The following SH3D21 variants were observed in gnomAD, a reference collection of about 807,000 sequenced individuals.
The protein encoded by SH3D21 is SH3 domain-containing protein 21.
In SH3D21, 83 loss-of-function variants were observed where a neutral mutation model predicts 82.1. The observed-to-expected ratio is 1.01, with a 90% CI of 0.85 to 1.21. SH3D21 has a LOEUF of 1.21. SH3D21 is among the 50% of genes most tolerant of loss of function. The probability of loss-of-function intolerance (pLI) is 0.00; values close to 1 mark genes in which losing one functional copy is unlikely to be tolerated. For missense variants in SH3D21, 980 were observed against 962.1 expected (o/e 1.02, Z -0.25); for synonymous variants, 383 against 387.8 (o/e 0.99, Z 0.15).
chr1:36,318,460 G>A (rs1646380816), intron 10 of SH3D21, among the ~76,000 whole-genome samples: 1 of 152,088 alleles, frequency 6.6e-6, no homozygotes, highest in African/African-American at 2.4e-5. Context: ...GAGAGTAAAT[G>A]AGAGAGAATA....
downstream of SH3D21, chr1:36,322,720 G>T: frequency 1.3e-6 from 2 of 1,546,740 alleles, no homozygotes; most frequent in African/African-American, 2.7e-5. Context: ...AAGCTCTCGG[G>T]GTTGGCTGCG....
chr1:36,313,346 TA>T (rs903977278), intron 10 of SH3D21, among the ~76,000 whole-genome samples: 1 of 151,228 alleles, frequency 6.6e-6, no homozygotes, highest in African/African-American at 2.4e-5. Context: ...AATAAATAAA[TA>T]AATAAATAAG....
chr1:36,327,329 C>T (rs945695040), downstream of SH3D21, among the ~76,000 whole-genome samples: 1 of 152,130 alleles, frequency 6.6e-6, no homozygotes, highest in African/African-American at 2.4e-5. Flanking sequence ...GCTGGGAGTG[C>T]ATGAGCATGT....
At position 36,321,257 on chromosome 1, in the gene SH3D21, G is replaced by C; in HGVS notation, c.*130G>C. The C allele has an allele frequency of 6.8e-7, 1 of 1,467,768 alleles. No individual in the cohort carries two copies. The highest frequency in any genetic ancestry group is 1.4e-5 in the African/African-American group (1 of 70,936). 90.9% of individuals were successfully genotyped at this position (1,467,768 alleles called of 1,614,324 possible). ...CCACGCCGGTCTGGTCGCTGGGGGC[G>C]GGGCCTGCGCGGGGGCAGGGCCTGG... On this transcript the variant is annotated 3_prime_UTR_variant, in exon 16 of 16. Coordinates refer to ENST00000453908, the MANE Select transcript of SH3D21 (RefSeq NM_001162530.2). This position sits in a 1 kb window ranked among gnomAD's most constrained non-coding sequence, Gnocchi z 6.1.
At chr1:36,321,762 T>C, downstream of SH3D21, 6 of 1,001,966 alleles carry the variant, frequency 6.0e-6, no homozygotes, top group South Asian at 2.2e-4. This position sits in a 1 kb window ranked among gnomAD's most constrained non-coding sequence, Gnocchi z 6.1. Flanking sequence ...GGGCGACGTG[T>C]GTCCAGGCGT....
intron 10 of SH3D21, among the ~76,000 whole-genome samples, chr1:36,315,519 T>C (rs1418781379): frequency 1.3e-5 from 2 of 151,936 alleles, no homozygotes; most frequent in Non-Finnish European, 2.9e-5. Flanking sequence ...CCGGCTAATT[T>C]TTTTATTTTT....
At chr1:36,323,057 C>A (rs201730881), downstream of SH3D21, 3 of 1,595,338 alleles carry the variant, frequency 1.9e-6, no homozygotes, top group Admixed American at 5.5e-5. Flanking sequence ...GGGGGCAGCT[C>A]CCCTACCAGC....
rs1234654184 is a variant in SH3D21, at chr1:36,307,115, T to A, written c.227-52T>A. The A allele has an allele frequency of 6.5e-7, 1 of 1,547,464 alleles. No homozygotes were observed. The highest frequency in any genetic ancestry group is 8.7e-7 in the Non-Finnish European group (1 of 1,144,558). On this transcript the variant is annotated intron_variant, in intron 3 of 15. Coordinates refer to ENST00000453908, the MANE Select transcript of SH3D21 (RefSeq NM_001162530.2). This position sits in a 1 kb window ranked among gnomAD's most constrained non-coding sequence, Gnocchi z 5.4. ...GTGCGCGCCTTGCGCTTCCCCCAGC[T>A]CCTCTGACTGGGGCGTCCGACTGGA...
At position 36,321,150 on chromosome 1, in the gene SH3D21, C is replaced by T; in HGVS notation, c.*23C>T. The T allele has an allele frequency of 6.2e-7, 1 of 1,606,010 alleles. No homozygotes were observed. Among genetic ancestry groups the T allele is most frequent in the Non-Finnish European group, 8.5e-7 (1 of 1,176,714 alleles). On this transcript the variant is annotated 3_prime_UTR_variant, in exon 16 of 16. Coordinates refer to ENST00000453908, the MANE Select transcript of SH3D21 (RefSeq NM_001162530.2). The surrounding 1 kb of genome is among the most constrained non-coding windows in gnomAD (Gnocchi z 6.1). ...TGAGGGTGGGCCTGGGAAGGGACCGCGGCCTGACCTGGCTGGGGCCACCCA... is the reference window on the plus strand; with the variant it reads ...TGAGGGTGGGCCTGGGAAGGGACCGTGGCCTGACCTGGCTGGGGCCACCCA...
intron 10 of SH3D21, among the ~76,000 whole-genome samples, chr1:36,314,198 A>G (rs1158584882): frequency 1.3e-5 from 2 of 150,388 alleles, no homozygotes; most frequent in East Asian, 3.9e-4. Context: ...GATGGTCTCG[A>G]TCTCCTGACC....
downstream of SH3D21, chr1:36,327,816 C>A (rs1159093932): frequency 2.3e-6 from 3 of 1,284,762 alleles, no homozygotes; most frequent in Non-Finnish European, 3.0e-6. Flanking sequence ...TGGGGAAGGT[C>A]CCTGAAACCT....
At chr1:36,321,657 C>T (rs1202482984), downstream of SH3D21, 36 of 1,016,804 alleles carry the variant, frequency 3.5e-5, no homozygotes, top group South Asian at 3.0e-4. This position sits in a 1 kb window ranked among gnomAD's most constrained non-coding sequence, Gnocchi z 6.1. Flanking sequence ...CGCATGCTTA[C>T]ACCGGGGCTA....
At chr1:36,327,956 C>T (rs957244676), downstream of SH3D21, 1 of 986,476 alleles carries the variant, frequency 1.0e-6, no homozygotes, top group African/African-American at 1.7e-5. Context: ...CGGATCTCTG[C>T]ACGTGTGTCA....
intron 7 of SH3D21, 33 bp from the exon 8 acceptor site, chr1:36,308,076 G>A: frequency 6.5e-7 from 1 of 1,546,086 alleles, no homozygotes; most frequent in Non-Finnish European, 8.7e-7. Context: ...GGGAGGCTTG[G>A]CTTCAGAGGA....
chr1:36,326,101 A>G (rs116325267), downstream of SH3D21, among the ~76,000 whole-genome samples: 1 of 152,128 alleles, frequency 6.6e-6, no homozygotes, highest in Non-Finnish European at 1.5e-5. Context: ...GGCAGGAGTA[A>G]GAACATGCTT....
At chr1:36,312,454 T>G (rs1646260295) in intron 10 of SH3D21, among the ~76,000 whole-genome samples, 1 of 152,266 alleles carries the variant, frequency 6.6e-6, no homozygotes, top group African/African-American at 2.4e-5. Flanking sequence ...TTTTTGTATA[T>G]TGTTTTTATA....
Position 36,321,014 on chromosome 1 carries a change from C to G in SH3D21, c.2199+36C>G, listed in dbSNP as rs1406672859. ...GGTCCCGGCGGGAGGGGGCTGACGG[C>G]GAGTGGCCCCCTGACAAAGTCTCCA... On this transcript the variant is annotated intron_variant, in intron 15 of 15. Coordinates refer to ENST00000453908, the MANE Select transcript of SH3D21 (RefSeq NM_001162530.2). The surrounding 1 kb of genome is among the most constrained non-coding windows in gnomAD (Gnocchi z 6.1). The G allele has an allele frequency of 6.3e-7, 1 of 1,582,930 alleles. No homozygotes were observed. Among genetic ancestry groups the G allele is most frequent in the East Asian group, 2.3e-5 (1 of 42,982 alleles).
downstream of SH3D21, chr1:36,328,083 T>C (rs1249416813): frequency 2.2e-6 from 1 of 458,784 alleles, no homozygotes; most frequent in African/African-American, 2.0e-5. Flanking sequence ...TGTTGACTGC[T>C]TCTCTGCCCT....
chr1:36,323,696 G>A (rs1128083), downstream of SH3D21: 1 of 152,184 alleles, frequency 6.6e-6, no homozygotes, highest in South Asian at 2.1e-4. Context: ...GAAAAGGGCT[G>A]GGAGAGGAAG....
Sources: gnomAD v4.1 joint callset for allele counts (sites outside exome capture counted in the v4.1 genomes callset) on GRCh38, gnomAD v4.1.1 for gene constraint, Gnocchi (gnomAD v3.1) non-coding constraint, MANE v1.5 for transcripts, NCBI Gene and HGNC (gene_info 2026-07-23, HGNC 2026-07-21) for gene names.